LRRTM4: variants seen among roughly 807,000 people sequenced by gnomAD.
The protein encoded by LRRTM4 is leucine rich repeat transmembrane neuronal 4.
LRRTM4 carries 25 observed loss-of-function variants against 47.6 expected under a neutral mutation model. That is an observed-to-expected ratio of 0.53 (90% CI 0.38 to 0.73). The LOEUF (loss-of-function observed/expected upper bound fraction) is 0.73. Ranked by LOEUF, LRRTM4 falls within the 30% of genes least tolerant of loss-of-function variation. The pLI is 0.00. For synonymous variants in LRRTM4, 311 were observed against 269.5 expected (o/e 1.15, Z -1.51); for missense variants, 638 against 713.4 (o/e 0.89, Z 1.20).
intron 3 of LRRTM4, among the ~76,000 whole-genome samples, chr2:76,873,851 T>C (rs1309630674): frequency 2.0e-5 from 3 of 151,988 alleles, no homozygotes; most frequent in Non-Finnish European, 2.9e-5. Context: ...ATGAACGATA[T>C]AGGGAATACA....
chr2:76,898,683 G>C (rs1297013581), intron 3 of LRRTM4, among the ~76,000 whole-genome samples: 1 of 150,930 alleles, frequency 6.6e-6, no homozygotes, highest in Non-Finnish European at 1.5e-5. Flanking sequence ...AGAGTTTCCT[G>C]AGCATCTGGA....
intron 3 of LRRTM4, among the ~76,000 whole-genome samples, chr2:77,165,673 G>A (rs570739286): frequency 1.2e-4 from 19 of 152,146 alleles, no homozygotes; most frequent in Admixed American, 2.6e-4. Flanking sequence ...ATCAATAAAC[G>A]TAATACAGTG....
Position 77,144,422 on chromosome 2 carries a change from A to C in LRRTM4, c.1551+373896T>G, listed in dbSNP as rs575819132. Reference sequence around the variant, plus strand: ...CATAACAAGGCTGCTGCATGGGGTCAAAAAAAAAAAGTGGGGTCAAAAATA... The same window carrying C: ...CATAACAAGGCTGCTGCATGGGGTCCAAAAAAAAAAGTGGGGTCAAAAATA... On this transcript the variant is annotated intron_variant, in intron 3 of 3. Coordinates refer to ENST00000409884, the MANE Select transcript of LRRTM4 (RefSeq NM_001134745.3). Among the ~76,000 whole-genome samples, 3 of 142,872 alleles carry C rather than the reference A, an allele frequency of 2.1e-5. No homozygotes were observed. In the South Asian group the frequency reaches 6.5e-4, roughly 31 times the overall value. 93.7% of individuals were successfully genotyped at this position (142,872 alleles called of 152,430 possible). A position where few individuals can be genotyped will look rare whatever the true frequency, so the allele number is the denominator to read the frequency against.
chr2:77,042,377 A>G (rs961449724), intron 3 of LRRTM4, among the ~76,000 whole-genome samples: 1 of 151,692 alleles, frequency 6.6e-6, no homozygotes, highest in Admixed American at 6.6e-5. Context: ...TCAATGTTAC[A>G]CTTTTCTGTA....
chr2:76,995,487 C>T (rs1211401927), intron 3 of LRRTM4, among the ~76,000 whole-genome samples: 1 of 151,922 alleles, frequency 6.6e-6, no homozygotes, highest in Admixed American at 6.6e-5. Context: ...TAAATGAAGC[C>T]TGAATGATAA....
chr2:76,920,598 T>C (rs1456481993), intron 3 of LRRTM4, among the ~76,000 whole-genome samples: 1 of 152,072 alleles, frequency 6.6e-6, no homozygotes, highest in Non-Finnish European at 1.5e-5. Context: ...TTGATTTATT[T>C]GTAATTTGGG....
chr2:76,876,113 T>A (rs929294663), intron 3 of LRRTM4, among the ~76,000 whole-genome samples: 5 of 152,094 alleles, frequency 3.3e-5, no homozygotes, highest in African/African-American at 1.2e-4. Flanking sequence ...AAGAATTACA[T>A]ACACACAGTA....
intron 3 of LRRTM4, among the ~76,000 whole-genome samples, chr2:76,874,464 T>C (rs1025298007): frequency 1.3e-5 from 2 of 151,982 alleles, no homozygotes; most frequent in African/African-American, 2.4e-5. Flanking sequence ...TATTCAGTAA[T>C]TGAATAACTG....
chr2:77,287,350 T>A (rs1676693791), intron 3 of LRRTM4, among the ~76,000 whole-genome samples: 2 of 151,994 alleles, frequency 1.3e-5, no homozygotes, highest in African/African-American at 4.8e-5. Context: ...CTATTACAAA[T>A]GGAGAGCTCC....
chr2:77,111,275 A>G (rs60029001), intron 3 of LRRTM4, among the ~76,000 whole-genome samples: 4,518 of 138,038 alleles, frequency 0.033, 235 homozygotes, highest in African/African-American at 0.12. Flanking sequence ...GTGTCACCAC[A>G]CCTGGCTATT....
At chr2:77,231,532 A>T (rs1674964819) in intron 3 of LRRTM4, among the ~76,000 whole-genome samples, 1 of 152,082 alleles carries the variant, frequency 6.6e-6, no homozygotes, top group African/African-American at 2.4e-5. Flanking sequence ...ATTTTAATTT[A>T]TAAATGGACA....
At chr2:77,182,259 G>C (rs569569406) in intron 3 of LRRTM4, among the ~76,000 whole-genome samples, 1 of 152,086 alleles carries the variant, frequency 6.6e-6, no homozygotes. Context: ...GAATGAGATC[G>C]TGTCCTTTAC....
intron 3 of LRRTM4, among the ~76,000 whole-genome samples, chr2:76,844,222 C>T (rs537731539): frequency 3.3e-4 from 50 of 152,114 alleles, no homozygotes; most frequent in African/African-American, 1.1e-3. Context: ...GCAGCCTCCA[C>T]CTCTCGGGTT....
rs372259682 is a variant in LRRTM4, at chr2:77,305,827, CAAT to C, written c.1551+212488_1551+212490del. ...TCTATTTTATATTTTAATAATAAAA[CAAT>C]AATTCTGGAACATCTTAAACTTTTA... is the stretch of plus-strand genomic sequence containing the variant. On this transcript the variant is annotated intron_variant, in intron 3 of 3. Transcript: ENST00000409884. Among the ~76,000 whole-genome samples the C allele has an allele frequency of 6.6e-3, 998 of 151,990 alleles. 7 individuals carry two copies. The highest frequency in any genetic ancestry group is 0.023 in the African/African-American group (955 of 41,498).
intron 3 of LRRTM4, among the ~76,000 whole-genome samples, chr2:77,323,241 T>C (rs1670614500): frequency 6.6e-6 from 1 of 152,118 alleles, no homozygotes; most frequent in Admixed American, 6.6e-5. Context: ...CAGAAATTTT[T>C]CCCCAGAATT....
At chr2:77,444,054 G>A (rs182289696) in intron 3 of LRRTM4, among the ~76,000 whole-genome samples, 3 of 152,182 alleles carry the variant, frequency 2.0e-5, no homozygotes, top group East Asian at 3.9e-4. Context: ...CCGTGTGAAG[G>A]CCTCTTAAAC....
At chr2:76,809,928 A>G (rs1670682879) in intron 3 of LRRTM4, among the ~76,000 whole-genome samples, 2 of 152,110 alleles carry the variant, frequency 1.3e-5, no homozygotes, top group Admixed American at 6.6e-5. Context: ...TACAGTTCCT[A>G]TTCAAACCTC....
At chr2:77,344,787 T>A (rs1233954686) in intron 3 of LRRTM4, among the ~76,000 whole-genome samples, 6 of 151,646 alleles carry the variant, frequency 4.0e-5, no homozygotes, top group Non-Finnish European at 5.9e-5. Context: ...AATTGTAGAG[T>A]AACCGGAGTT....
chr2:76,791,129 G>A (rs1470434549), intron 3 of LRRTM4, among the ~76,000 whole-genome samples: 1 of 152,094 alleles, frequency 6.6e-6, no homozygotes, highest in African/African-American at 2.4e-5. Flanking sequence ...TGTGACATAA[G>A]GCTACTTCTT....
Sources: gnomAD v4.1 joint callset for allele counts (sites outside exome capture counted in the v4.1 genomes callset) on GRCh38, gnomAD v4.1.1 for gene constraint, MANE v1.5 for transcripts, NCBI Gene and HGNC (gene_info 2026-07-23, HGNC 2026-07-21) for gene names.